MROH9: variants seen among roughly 807,000 people sequenced by gnomAD.
The protein encoded by MROH9 is maestro heat like repeat family member 9.
A neutral mutation model predicts 98.2 loss-of-function variants in MROH9; 92 were observed. That is an observed-to-expected ratio of 0.94 (90% CI 0.79 to 1.11). MROH9 has a LOEUF of 1.11. Among genes scored for constraint, MROH9 ranks in the 50% most tolerant of loss-of-function variants. The pLI, the probability that MROH9 is intolerant of heterozygous loss-of-function variation, is 0.00. For missense variants in MROH9, 1,057 were observed against 1,014.8 expected (o/e 1.04, Z -0.57); for synonymous variants, 397 against 368.9 (o/e 1.08, Z -0.87).
chr1:170,948,547 A>G lies in MROH9; in HGVS notation c.72+974A>G, dbSNP rs1309393914. 2.0e-5 allele frequency among the ~76,000 whole-genome samples: 3 copies of G among 152,124 alleles called. No individual in the cohort carries two copies. In the East Asian group the frequency reaches 5.8e-4, roughly 29 times the overall value. ...TCACTCATTCATTTATTCAACAAAT[A>G]TTTATTGAGAATCTACTATGCATTA... On this transcript the variant is annotated intron_variant, in intron 3 of 21. Transcript: ENST00000367759.
intron 17 of MROH9, among the ~76,000 whole-genome samples, chr1:171,021,417 G>T (rs1571508961): frequency 6.6e-6 from 1 of 152,212 alleles, no homozygotes; most frequent in East Asian, 1.9e-4. Context: ...CAGGTATATA[G>T]ACCAACGAAA....
rs1051604595 is a variant in MROH9 at position 170,988,544 on chromosome 1, C to T, written c.880-1311C>T. On this transcript the variant is annotated intron_variant, in intron 10 of 21. Coordinates refer to ENST00000367759, the MANE Select transcript of MROH9 (RefSeq NM_001163629.2). ...ACTAGATTTGTAAAACTAGCTTCTG[C>T]TACAGTGAAATCTCTAACCACAGAA... Among the ~76,000 whole-genome samples the T allele has an allele frequency of 3.9e-5, 6 of 152,160 alleles. No homozygotes were observed. In the East Asian group the frequency reaches 1.2e-3, roughly 29 times the overall value.
intron 20 of MROH9, among the ~76,000 whole-genome samples, chr1:171,041,722 C>T (rs1362893958): frequency 6.6e-6 from 1 of 151,870 alleles, no homozygotes; most frequent in African/African-American, 2.4e-5. Flanking sequence ...TCTGTAACTT[C>T]ATCAACATTT....
intron 9 of MROH9, 80 bp from the exon 10 acceptor site, chr1:170,986,481 T>C (rs2101802735): frequency 6.8e-7 from 1 of 1,477,402 alleles, no homozygotes; most frequent in Admixed American, 2.1e-5. Flanking sequence ...CTCTTGAGCA[T>C]CCCCCACCAT....
chr1:170,961,017 C>T (rs940140649), intron 5 of MROH9, among the ~76,000 whole-genome samples: 7 of 152,014 alleles, frequency 4.6e-5, no homozygotes, highest in African/African-American at 1.7e-4. Context: ...TCTTCTCCAA[C>T]CTATTTCAAA....
At chr1:171,024,164 A>G (rs1421112740) in intron 17 of MROH9, among the ~76,000 whole-genome samples, 1 of 152,198 alleles carries the variant, frequency 6.6e-6, no homozygotes, top group African/African-American at 2.4e-5. Flanking sequence ...TATTGTGAAT[A>G]ATAGGTAGGC....
chr1:171,038,582 C>T (rs1401112529), intron 20 of MROH9, among the ~76,000 whole-genome samples: 1 of 152,162 alleles, frequency 6.6e-6, no homozygotes, highest in Non-Finnish European at 1.5e-5. Flanking sequence ...ACACTGCCAT[C>T]TCACCTTAGC....
intron 8 of MROH9, among the ~76,000 whole-genome samples, chr1:170,972,468 G>T (rs892230628): frequency 2.0e-5 from 3 of 152,098 alleles, no homozygotes; most frequent in African/African-American, 4.8e-5. Context: ...TAATAACAGA[G>T]AACACATTTA....
chr1:170,964,742 G>C (rs796260605), intron 6 of MROH9, among the ~76,000 whole-genome samples: 7 of 152,098 alleles, frequency 4.6e-5, no homozygotes, highest in African/African-American at 1.7e-4. Flanking sequence ...GATATTGCAG[G>C]ATCAGACAAG....
chr1:171,021,693 G>T (rs1652524081), intron 17 of MROH9, among the ~76,000 whole-genome samples: 1 of 152,068 alleles, frequency 6.6e-6, no homozygotes, highest in South Asian at 2.1e-4. Context: ...ATAGGCGTGG[G>T]CAAAGACTTC....
At chr1:170,941,157 T>C (rs1383021398) in intron 1 of MROH9, among the ~76,000 whole-genome samples, 1 of 152,140 alleles carries the variant, frequency 6.6e-6, no homozygotes, top group African/African-American at 2.4e-5. Flanking sequence ...GGAATTATTG[T>C]CAGTTCAGAA....
intron 9 of MROH9, among the ~76,000 whole-genome samples, chr1:170,985,345 C>A (rs1162408750): frequency 6.6e-6 from 1 of 152,096 alleles, no homozygotes; most frequent in African/African-American, 2.4e-5. Context: ...AAGCAAGCGG[C>A]ATCAAGAACA....
At chr1:170,968,200 G>T (rs1367668323) in intron 7 of MROH9, among the ~76,000 whole-genome samples, 1 of 152,084 alleles carries the variant, frequency 6.6e-6, no homozygotes, top group South Asian at 2.1e-4. Context: ...AATGATAAGG[G>T]CTGGGAGTCA....
chr1:170,958,011 G>T (rs1042810709), intron 3 of MROH9, among the ~76,000 whole-genome samples: 1 of 151,844 alleles, frequency 6.6e-6, no homozygotes, highest in Non-Finnish European at 1.5e-5. Context: ...GGGTTTCACC[G>T]TATTAGCCAG....
chr1:170,956,850 C>T (rs913268758), intron 3 of MROH9, among the ~76,000 whole-genome samples: 2 of 152,040 alleles, frequency 1.3e-5, no homozygotes, highest in African/African-American at 4.8e-5. Context: ...TTATTTCTTT[C>T]TCCTGCCTGA....
At chr1:170,978,634 C>T (rs1001781659) in intron 8 of MROH9, among the ~76,000 whole-genome samples, 12 of 152,036 alleles carry the variant, frequency 7.9e-5, no homozygotes, top group South Asian at 6.2e-4. Flanking sequence ...ATTGCAGTCG[C>T]GGAGGTATTG....
intron 6 of MROH9, among the ~76,000 whole-genome samples, chr1:170,964,004 C>T (rs1052025576): frequency 6.6e-6 from 1 of 152,074 alleles, no homozygotes; most frequent in African/African-American, 2.4e-5. Flanking sequence ...GAATCCTCCC[C>T]TTCCCTGCCC....
Position 170,952,952 on chromosome 1 carries a change from CT to C in MROH9, c.72+5383del, listed in dbSNP as rs1487091808. Reference sequence around the variant, plus strand: ...ATAGCTCAGATGTATAACACAAAATCTTTTGTAATCTATCCAATTATTTTTG... The same window carrying C: ...ATAGCTCAGATGTATAACACAAAATCTTTGTAATCTATCCAATTATTTTTG... On this transcript the variant is annotated intron_variant, in intron 3 of 21. Coordinates refer to ENST00000367759, the MANE Select transcript of MROH9 (RefSeq NM_001163629.2). Among the ~76,000 whole-genome samples, 4 of 151,894 alleles carry C rather than the reference CT, an allele frequency of 2.6e-5. No homozygotes were observed. In the East Asian group the frequency reaches 7.7e-4, roughly 29 times the overall value.
At position 170,952,449 on chromosome 1, in the gene MROH9, G is replaced by A. The variant is rs937711218; in HGVS notation, c.72+4876G>A. 3.3e-5 allele frequency among the ~76,000 whole-genome samples: 5 copies of A among 151,828 alleles called. No individual in the cohort carries two copies. In the East Asian group the frequency reaches 5.8e-4, roughly 18 times the overall value. ...AAAATGATGAGTTCATGTCCTTTGT[G>A]GGGACATGGATGAAGCTGGAAACCA... is the stretch of plus-strand genomic sequence containing the variant. On this transcript the variant is annotated intron_variant, in intron 3 of 21. Coordinates refer to ENST00000367759, the MANE Select transcript of MROH9 (RefSeq NM_001163629.2).
Sources: allele counts gnomAD v4.1 joint callset (sites outside exome capture counted in the v4.1 genomes callset), GRCh38; gene constraint gnomAD v4.1.1; transcripts MANE v1.5; gene names NCBI Gene and HGNC (gene_info 2026-07-23, HGNC 2026-07-21).